ACTR3C: variants seen among roughly 807,000 people sequenced by gnomAD.
ACTR3C encodes actin-related protein 3C.
ACTR3C carries 18 observed loss-of-function variants against 26.3 expected under a neutral mutation model. That is an observed-to-expected ratio of 0.68 (90% CI 0.47 to 1.01). The LOEUF is 1.01. ACTR3C is among the 50% of genes least tolerant of loss of function. The probability of loss-of-function intolerance (pLI) is 0.00; values close to 1 mark genes in which losing one functional copy is unlikely to be tolerated. For synonymous variants in ACTR3C, 55 were observed against 94.5 expected (o/e 0.58, Z 2.42); for missense variants, 184 against 250.7 (o/e 0.73, Z 1.80).
the ACTR3C span, among the ~76,000 whole-genome samples, chr7:150,208,006 T>A: frequency 5.9e-5 from 9 of 152,176 alleles, no homozygotes; most frequent in Non-Finnish European, 2.9e-5. Flanking sequence ...TGAATCCTCC[T>A]GCCCGAAACA....
chr7:150,197,342 C>T, the ACTR3C span, among the ~76,000 whole-genome samples: 2 of 152,228 alleles, frequency 1.3e-5, no homozygotes, highest in African/African-American at 4.8e-5. Context: ...ACCTGTTATT[C>T]CAGCTGAGTC....
At chr7:150,180,156 T>G in the ACTR3C span, among the ~76,000 whole-genome samples, 1 of 79,508 alleles carries the variant, frequency 1.3e-5, no homozygotes, top group African/African-American at 4.3e-5. Flanking sequence ...ATACAAAAAA[T>G]TAGCCGGGCG....
the ACTR3C span, among the ~76,000 whole-genome samples, chr7:150,199,734 A>AAAAAC: frequency 1.0e-4 from 14 of 134,800 alleles, no homozygotes; most frequent in African/African-American, 3.2e-4. Flanking sequence ...TCAAAAAAAA[A>AAAAAC]AAAAAAAAAA....
At chr7:150,011,499 C>T in the ACTR3C span, among the ~76,000 whole-genome samples, 13 of 152,250 alleles carry the variant, frequency 8.5e-5, no homozygotes, top group South Asian at 2.1e-4. Context: ...GCAGAACAAC[C>T]GCTTGAACCT....
chr7:149,943,924 C>T, the ACTR3C span, among the ~76,000 whole-genome samples: 2 of 143,452 alleles, frequency 1.4e-5, no homozygotes, highest in South Asian at 4.3e-4. Context: ...TTTTTATGTA[C>T]ACTGAAAACT....
At chr7:150,035,928 C>T in the ACTR3C span, among the ~76,000 whole-genome samples, 1 of 136,986 alleles carries the variant, frequency 7.3e-6, no homozygotes, top group African/African-American at 2.7e-5. Flanking sequence ...GTGCCTCGCC[C>T]TCCTGCGATG....
At chr7:150,123,819 C>T in the ACTR3C span, among the ~76,000 whole-genome samples, 6 of 152,264 alleles carry the variant, frequency 3.9e-5, no homozygotes, top group African/African-American at 1.4e-4. Flanking sequence ...GTGGGGCTAC[C>T]GTGCACAGCA....
At chr7:150,172,052 C>T in the ACTR3C span, among the ~76,000 whole-genome samples, 21,718 of 150,350 alleles carry the variant, frequency 0.14, 3,346 homozygotes, top group African/African-American at 0.33. Flanking sequence ...CCTCGTGATC[C>T]GCCCACCTCG....
chr7:149,993,597 C>T, the ACTR3C span, among the ~76,000 whole-genome samples: 1 of 152,054 alleles, frequency 6.6e-6, no homozygotes, highest in African/African-American at 2.4e-5. Context: ...GCTGAGTTGA[C>T]TGCACTTCTG....
intron 4 of ACTR3C, among the ~76,000 whole-genome samples, chr7:150,287,174 A>G (rs2129612555): frequency 6.6e-6 from 1 of 151,566 alleles, no homozygotes; most frequent in East Asian, 1.9e-4. Flanking sequence ...ACATAGATTT[A>G]TTGTCTAGGC....
chr7:149,892,464 G>A, the ACTR3C span: 1 of 1,452,550 alleles, frequency 6.9e-7, no homozygotes. Context: ...GATCAAAAGG[G>A]ATAATATCCT....
At chr7:149,985,250 ACACACG>A in the ACTR3C span, among the ~76,000 whole-genome samples, 1 of 149,304 alleles carries the variant, frequency 6.7e-6, no homozygotes, top group African/African-American at 2.5e-5. Context: ...ACACACACAC[ACACACG>A]AAACCCTGCC....
chr7:149,976,622 G>A, the ACTR3C span, among the ~76,000 whole-genome samples: 3 of 149,952 alleles, frequency 2.0e-5, no homozygotes, highest in Non-Finnish European at 3.0e-5. Flanking sequence ...GAAGAATGAC[G>A]AATATAGAAA....
At chr7:150,110,657 C>T in the ACTR3C span, among the ~76,000 whole-genome samples, 1 of 98,178 alleles carries the variant, frequency 1.0e-5, no homozygotes, top group East Asian at 3.5e-4. Flanking sequence ...TGGCAAGGGG[C>T]AAAACTGTCT....
chr7:150,086,390 G>A, the ACTR3C span, among the ~76,000 whole-genome samples: 282 of 152,072 alleles, frequency 1.9e-3, no homozygotes, highest in South Asian at 9.7e-3. Context: ...GGGGGTGGAG[G>A]TGGGGAGGCA....
intron 1 of ACTR3C, among the ~76,000 whole-genome samples, chr7:150,314,823 A>C (rs1403101267): frequency 6.7e-6 from 1 of 149,418 alleles, no homozygotes; most frequent in African/African-American, 2.4e-5. Flanking sequence ...ACAGTGGCAC[A>C]CACCTGTAGT....
chr7:149,989,165 A>G, the ACTR3C span, among the ~76,000 whole-genome samples: 1 of 152,244 alleles, frequency 6.6e-6, no homozygotes, highest in Non-Finnish European at 1.5e-5. Flanking sequence ...AAAAATGTTT[A>G]AAACTGACAA....
chr7:150,174,996 G>A, the ACTR3C span, among the ~76,000 whole-genome samples: 24 of 146,284 alleles, frequency 1.6e-4, 2 homozygotes, highest in African/African-American at 6.4e-4. Flanking sequence ...TTGATGAGGT[G>A]ATTCTAAAAT....
chr7:150,314,127 T>C (rs1251590080), intron 1 of ACTR3C, among the ~76,000 whole-genome samples: 2 of 152,160 alleles, frequency 1.3e-5, no homozygotes, highest in Non-Finnish European at 2.9e-5. Context: ...AGCTTGCTCA[T>C]GTGGCACTGG....
Sources: allele counts gnomAD v4.1 joint callset (sites outside exome capture counted in the v4.1 genomes callset), GRCh38; gene constraint gnomAD v4.1.1; transcripts MANE v1.5; gene names NCBI Gene and HGNC (gene_info 2026-07-23, HGNC 2026-07-21).